The following CSMD1 variants were observed in gnomAD, a reference collection of about 807,000 sequenced individuals.
CSMD1 encodes CUB and Sushi multiple domains 1.
In CSMD1, 213 loss-of-function variants were observed where a neutral mutation model predicts 417.5. That is an observed-to-expected ratio of 0.51 (90% confidence interval 0.46 to 0.57). The LOEUF (loss-of-function observed/expected upper bound fraction) is 0.57. CSMD1 is among the 20% of genes least tolerant of loss of function. The pLI, the probability that CSMD1 is intolerant of heterozygous loss-of-function variation, is 0.00. For synonymous variants in CSMD1, 2,862 were observed against 1,736.8 expected, an observed-to-expected ratio of 1.65 and a Z score of -16.11; for missense variants, 6,923 against 4,529.7, an observed-to-expected ratio of 1.53 and a Z score of -15.17.
At chr8:4,400,626 C>T (rs1306785877) in intron 3 of CSMD1, among the ~76,000 whole-genome samples, 1 of 152,196 alleles carries the variant, frequency 6.6e-6, no homozygotes, top group African/African-American at 2.4e-5. Context: ...TCCAGACTGA[C>T]CTGCAATCTT....
At chr8:4,882,003 G>A (rs1372581931) in intron 1 of CSMD1, among the ~76,000 whole-genome samples, 2 of 152,020 alleles carry the variant, frequency 1.3e-5, no homozygotes, top group African/African-American at 2.4e-5. Flanking sequence ...AGAAATCTCA[G>A]CCCTTCCAAC....
At chr8:3,895,302 A>C (rs1807285102) in intron 5 of CSMD1, among the ~76,000 whole-genome samples, 1 of 152,194 alleles carries the variant, frequency 6.6e-6, no homozygotes, top group Non-Finnish European at 1.5e-5. Context: ...AAGTAAACCT[A>C]TCTATGTTTA....
At chr8:3,147,410 A>T (rs994367707) in intron 40 of CSMD1, among the ~76,000 whole-genome samples, 1 of 152,196 alleles carries the variant, frequency 6.6e-6, no homozygotes, top group Non-Finnish European at 1.5e-5. Context: ...CATCTTATTT[A>T]GATTGAAAGT....
chr8:3,514,064 G>A (rs1197557749), intron 10 of CSMD1, among the ~76,000 whole-genome samples: 1 of 152,138 alleles, frequency 6.6e-6, no homozygotes, highest in Non-Finnish European at 1.5e-5. Flanking sequence ...AACACCCTGT[G>A]TTCTTTAGTT....
chr8:3,749,723 G>C (rs543206824), intron 6 of CSMD1, among the ~76,000 whole-genome samples: 1 of 152,002 alleles, frequency 6.6e-6, no homozygotes, highest in African/African-American at 2.4e-5. Flanking sequence ...GAATCATACG[G>C]TTTATGTTTT....
At chr8:4,254,746 G>A (rs1481397069) in intron 3 of CSMD1, among the ~76,000 whole-genome samples, 4 of 152,088 alleles carry the variant, frequency 2.6e-5, no homozygotes, top group East Asian at 1.9e-4. Flanking sequence ...GATCTGCAAA[G>A]TCTTACCATT....
chr8:3,163,453 G>C (rs1820017553), intron 37 of CSMD1, among the ~76,000 whole-genome samples: 1 of 151,610 alleles, frequency 6.6e-6, no homozygotes, highest in Non-Finnish European at 1.5e-5. Flanking sequence ...TCCACTCAGG[G>C]GCAGTCCCAT....
chr8:3,487,005 T>A (rs976984688), intron 11 of CSMD1, among the ~76,000 whole-genome samples: 1 of 152,036 alleles, frequency 6.6e-6, no homozygotes, highest in Non-Finnish European at 1.5e-5. Flanking sequence ...GGGGAGTTGA[T>A]CCTGAACCTC....
intron 1 of CSMD1, among the ~76,000 whole-genome samples, chr8:4,765,924 A>C (rs1812433777): frequency 6.6e-6 from 1 of 152,214 alleles, no homozygotes; most frequent in Non-Finnish European, 1.5e-5. Context: ...AAAGGGTTTG[A>C]AGAATCGAGC....
intron 3 of CSMD1, among the ~76,000 whole-genome samples, chr8:4,140,354 T>A (rs1803710118): frequency 6.6e-6 from 1 of 150,804 alleles, no homozygotes; most frequent in Non-Finnish European, 1.5e-5. Flanking sequence ...CAAAATTAGC[T>A]GGGAATGGTG....
At chr8:4,486,432 A>T (rs949358541) in intron 2 of CSMD1, among the ~76,000 whole-genome samples, 1 of 151,170 alleles carries the variant, frequency 6.6e-6, no homozygotes, top group Non-Finnish European at 1.5e-5. Context: ...TAATTATAAT[A>T]TAGTTGTGAA....
At chr8:3,546,799 C>G (rs1416555363) in intron 10 of CSMD1, among the ~76,000 whole-genome samples, 1 of 152,058 alleles carries the variant, frequency 6.6e-6, no homozygotes, top group African/African-American at 2.4e-5. Flanking sequence ...TTCTGCAGCT[C>G]CCTGAAGAAC....
chr8:3,894,684 T>C (rs374601351), intron 5 of CSMD1, among the ~76,000 whole-genome samples: 6 of 152,276 alleles, frequency 3.9e-5, no homozygotes, highest in South Asian at 4.1e-4. Flanking sequence ...GAAAAGTTCA[T>C]TGATCCTTTT....
rs1247506352 is a variant in CSMD1 at position 3,919,613 on chromosome 8, C to A, written c.818+78290G>T. On this transcript the variant is annotated intron_variant, in intron 5 of 69. Coordinates refer to ENST00000635120, the MANE Select transcript of CSMD1 (RefSeq NM_033225.6). ...TCTTGCTCAAGATTGCTTTGGTTAT[C>A]TCTGGTCTTTTGTGATTCCATACAA... Among the ~76,000 whole-genome samples, 7 of 152,024 alleles carry A rather than the reference C, an allele frequency of 4.6e-5. No homozygotes were observed. In the East Asian group the frequency reaches 1.3e-3, roughly 29 times the overall value.
intron 5 of CSMD1, among the ~76,000 whole-genome samples, chr8:3,823,061 G>A (rs1030373167): frequency 6.6e-6 from 1 of 152,094 alleles, no homozygotes; most frequent in Non-Finnish European, 1.5e-5. Context: ...TATGGTTCCG[G>A]AAGAGATTTC....
intron 3 of CSMD1, among the ~76,000 whole-genome samples, chr8:4,173,827 G>C (rs181098813): frequency 7.2e-5 from 11 of 152,124 alleles, no homozygotes; most frequent in East Asian, 1.9e-4. Flanking sequence ...ATCTGATCAG[G>C]CTTCTCAGTT....
intron 41 of CSMD1, among the ~76,000 whole-genome samples, chr8:3,125,257 C>G (rs1041758814): frequency 6.6e-6 from 1 of 152,186 alleles, no homozygotes; most frequent in African/African-American, 2.4e-5. Flanking sequence ...TTCATAGTGC[C>G]TGTGCTGGCT....
chr8:4,039,263 A>G (rs1797768105), intron 3 of CSMD1, among the ~76,000 whole-genome samples: 1 of 152,144 alleles, frequency 6.6e-6, no homozygotes, highest in Non-Finnish European at 1.5e-5. Flanking sequence ...AGCTTAAGAA[A>G]ATATAACTCC....
chr8:3,248,899 A>G (rs1800073938), intron 26 of CSMD1, among the ~76,000 whole-genome samples: 1 of 152,060 alleles, frequency 6.6e-6, no homozygotes, highest in African/African-American at 2.4e-5. Flanking sequence ...GCTCTATGAT[A>G]AATGCTGTTT....
Sources: allele counts gnomAD v4.1 joint callset (sites outside exome capture counted in the v4.1 genomes callset), GRCh38; gene constraint gnomAD v4.1.1; transcripts MANE v1.5; gene names NCBI Gene and HGNC (gene_info 2026-07-23, HGNC 2026-07-21).